SLC28A3: variants seen among roughly 807,000 people sequenced by gnomAD.
SLC28A3 encodes the protein concentrative Na(+)-nucleoside cotransporter 3.
A neutral mutation model predicts 84.2 loss-of-function variants in SLC28A3; 68 were observed. The ratio of observed to expected loss-of-function variants is 0.81; its 90% CI spans 0.66 to 0.99. The LOEUF (loss-of-function observed/expected upper bound fraction) is 0.99. SLC28A3 is among the 50% of genes least tolerant of loss of function. The pLI is 0.00. For synonymous variants in SLC28A3, 267 were observed against 303.6 expected (o/e 0.88, Z 1.25); for missense variants, 712 against 841.5 (o/e 0.85, Z 1.90).
At chr9:84,309,479 CATCA>C (rs1825909290) in intron 3 of SLC28A3, 146 bp downstream of exon 3, 2 of 571,094 alleles carry the variant, frequency 3.5e-6, no homozygotes, top group East Asian at 6.3e-5. Flanking sequence ...GCCGAGATCA[CATCA>C]CTGCACTCCA....
intron 1 of SLC28A3, among the ~76,000 whole-genome samples, chr9:84,322,204 C>G (rs1036302617): frequency 3.3e-5 from 5 of 152,164 alleles, no homozygotes; most frequent in Admixed American, 2.0e-4. Context: ...AATATGGCTT[C>G]AGCTCTTTAT....
chr9:84,341,006 C>CA (rs199976722), upstream of SLC28A3, among the ~76,000 whole-genome samples: 278 of 135,860 alleles, frequency 2.0e-3, 1 homozygote, highest in African/African-American at 4.5e-3. Flanking sequence ...GATGGAGTCT[C>CA]AAAAAAAAAA....
At chr9:84,290,338 G>C in intron 10 of SLC28A3, 59 bp from the exon 11 acceptor site, 1 of 1,588,276 alleles carries the variant, frequency 6.3e-7, no homozygotes, top group Non-Finnish European at 8.6e-7. Flanking sequence ...GCAGGGGAAG[G>C]CATGCCAATC....
the SLC28A3 span, among the ~76,000 whole-genome samples, chr9:84,346,457 G>A: frequency 6.6e-6 from 1 of 152,160 alleles, no homozygotes; most frequent in African/African-American, 2.4e-5. Context: ...AGCATGATGT[G>A]TTATATGTTC....
intron 3 of SLC28A3, among the ~76,000 whole-genome samples, chr9:84,306,098 C>G (rs1205911031): frequency 2.0e-5 from 3 of 152,090 alleles, no homozygotes; most frequent in Non-Finnish European, 4.4e-5. Context: ...GCTCTCCTCT[C>G]CTTCTTTGGG....
intron 12 of SLC28A3, 72 bp downstream of exon 12, chr9:84,287,976 C>T: frequency 6.3e-7 from 1 of 1,582,084 alleles, no homozygotes; most frequent in Non-Finnish European, 8.6e-7. Context: ...CAAATTTTTG[C>T]TGTACATTGA....
chr9:84,333,638 G>A (rs568283426), intron 1 of SLC28A3, among the ~76,000 whole-genome samples: 2 of 152,292 alleles, frequency 1.3e-5, no homozygotes, highest in Non-Finnish European at 2.9e-5. Context: ...CAGAATGGTT[G>A]ACATTAAAAG....
chr9:84,275,692 G>A lies in SLC28A3; in HGVS notation c.*2526C>T, dbSNP rs555619919. 6.6e-5 allele frequency: 10 copies of A among 152,252 alleles called. No individual in the cohort carries two copies. In the South Asian group the frequency reaches 2.1e-3, roughly 32 times the overall value. The allele number at this position is 152,252 out of a possible 1,614,324, so 9.4% of individuals were successfully genotyped here. ...GAAGGGCCACTTACGACGTTCACAG[G>A]GTATTGGTGAGGTTTCTGGGGGTAA... On this transcript the variant is annotated 3_prime_UTR_variant, in exon 18 of 18. Transcript: ENST00000376238.
chr9:84,327,889 T>A (rs10868148), intron 1 of SLC28A3, among the ~76,000 whole-genome samples: 2 of 145,664 alleles, frequency 1.4e-5, no homozygotes, highest in Non-Finnish European at 3.0e-5. Flanking sequence ...TTGTGCCACC[T>A]CACTCCAGCC....
chr9:84,367,289 A>G, the SLC28A3 span, among the ~76,000 whole-genome samples: 3 of 152,160 alleles, frequency 2.0e-5, no homozygotes, highest in Non-Finnish European at 2.9e-5. Context: ...CTTCAGGGCA[A>G]TGGGCTCCCC....
rs201274717 is a variant in SLC28A3, at chr9:84,290,324, G to A, written c.1024-45C>T. On this transcript the variant is annotated intron_variant, in intron 10 of 17. Coordinates refer to ENST00000376238, the MANE Select transcript of SLC28A3 (RefSeq NM_001199633.2). ...ACCAGATTCCTTTTTAAATCTGTGT[G>A]GGGGCAGGGGAAGGCATGCCAATCT... 2.1e-4 allele frequency: 338 copies of A among 1,602,886 alleles called. No homozygotes were observed. The African/African-American group carries it at 3.0e-3, about 14-fold the overall frequency.
At chr9:84,301,349 CAAAAAA>C (rs59917986) in intron 5 of SLC28A3, among the ~76,000 whole-genome samples, 3 of 44,714 alleles carry the variant, frequency 6.7e-5, no homozygotes, top group African/African-American at 1.2e-4. Flanking sequence ...GACTCTGTCT[CAAAAAA>C]AAAAAAAAAA....
upstream of SLC28A3, among the ~76,000 whole-genome samples, chr9:84,345,554 G>C (rs1827235884): frequency 1.3e-5 from 2 of 152,046 alleles, no homozygotes; most frequent in South Asian, 4.2e-4. Context: ...TCTTCTCCTT[G>C]GCTGCAGACA....
chr9:84,354,547 C>T, the SLC28A3 span, among the ~76,000 whole-genome samples: 1 of 152,182 alleles, frequency 6.6e-6, no homozygotes, highest in South Asian at 2.1e-4. Context: ...TATAATGATA[C>T]TTAAAAACGG....
intron 1 of SLC28A3, among the ~76,000 whole-genome samples, chr9:84,335,680 T>C (rs991509394): frequency 2.0e-5 from 3 of 152,000 alleles, no homozygotes; most frequent in African/African-American, 4.8e-5. Flanking sequence ...TCATACTATG[T>C]GCCAGGCACT....
intron 1 of SLC28A3, among the ~76,000 whole-genome samples, chr9:84,335,627 C>T (rs1826946626): frequency 6.6e-6 from 1 of 152,272 alleles, no homozygotes; most frequent in South Asian, 2.1e-4. Context: ...TGACTCCACA[C>T]TTTCCTTAAG....
rs778850020 is a variant in SLC28A3 at position 84,280,830 on chromosome 9, C to T, written c.1700G>A (p.Gly567Glu). 1.2e-6 allele frequency: 2 copies of T among 1,614,008 alleles called. No homozygotes were observed. The highest frequency in any genetic ancestry group is 1.7e-6 in the Non-Finnish European group (2 of 1,179,994). The change falls in exon 15 of 18, where the codon GGG (glycine) becomes GAG (glutamate). Residue 567 changes from glycine to glutamate, a missense_variant. By Grantham distance (98) the Gly-to-Glu change is moderately conservative (BLOSUM62 -2). Transcript: ENST00000376238. ...TCCGCCGATCACGATTCCTAGGGAC[C>T]CGATATTGGCAAAACCACAGAGAGC... is the stretch of plus-strand genomic sequence containing the variant. Reference protein sequence around the residue: ...TYALCGFANIGSLGIVIGGLT... With the variant: ...TYALCGFANIESLGIVIGGLT...
At chr9:84,327,000 T>C (rs11140528) in intron 1 of SLC28A3, among the ~76,000 whole-genome samples, 30,894 of 151,914 alleles carry the variant, frequency 0.2, 3,530 homozygotes, top group East Asian at 0.36. Flanking sequence ...AGAGCAAGAT[T>C]CTGTCTCAAA....
At chr9:84,289,675 A>G (rs573703105) in intron 11 of SLC28A3, among the ~76,000 whole-genome samples, 4 of 152,380 alleles carry the variant, frequency 2.6e-5, no homozygotes, top group East Asian at 1.9e-4. Context: ...AAAGGGCCAG[A>G]GAATAAATAT....
Sources: allele counts gnomAD v4.1 joint callset (sites outside exome capture counted in the v4.1 genomes callset), GRCh38; gene constraint gnomAD v4.1.1; transcripts MANE v1.5; gene names NCBI Gene and HGNC (gene_info 2026-07-23, HGNC 2026-07-21).